Variants in TSHR observed in about 807,000 individuals in gnomAD.
TSHR encodes the protein thyroid stimulating hormone receptor.
In TSHR, 51 loss-of-function variants were observed where a neutral mutation model predicts 64.1. The observed-to-expected ratio is 0.80, with a 90% confidence interval of 0.64 to 1.01. TSHR has a LOEUF of 1.01. TSHR is among the 50% of genes least tolerant of loss of function. The pLI, the probability that TSHR is intolerant of heterozygous loss-of-function variation, is 0.00. For missense variants in TSHR, 877 were observed against 942.8 expected, an observed-to-expected ratio of 0.93 and a Z score of 0.91; for synonymous variants, 361 against 361.9, an observed-to-expected ratio of 1.00 and a Z score of 0.03.
At chr14:81,065,540 C>T (rs1886548217) in intron 2 of TSHR, among the ~76,000 whole-genome samples, 1 of 152,164 alleles carries the variant, frequency 6.6e-6, no homozygotes, top group African/African-American at 2.4e-5. Flanking sequence ...GATCTGAAGG[C>T]TCCACTGAGG....
rs148958283 is a variant in TSHR at position 81,057,800 on chromosome 14, C to A, written c.171-4348C>A. Among the ~76,000 whole-genome samples, 665 of 152,322 alleles carry A rather than the reference C, an allele frequency of 4.4e-3. 9 individuals are homozygous for A. Among genetic ancestry groups the A allele is most frequent in the African/African-American group, 0.015 (642 of 41,584 alleles). ...TGGGAAGTTTGGTGTTTCTGGACCA[C>A]ACAGTCTCTGCCACGGCAAAGAAGA... On this transcript the variant is annotated intron_variant, in intron 1 of 9. Transcript: ENST00000298171.
In TSHR at chr14:81,008,327, C is replaced by G. The variant is rs920402147; in HGVS notation, c.170+52477C>G. 2.6e-5 allele frequency among the ~76,000 whole-genome samples: 4 copies of G among 152,176 alleles called. No individual in the cohort carries two copies. The South Asian group carries it at 6.2e-4, about 24-fold the overall frequency. On this transcript the variant is annotated intron_variant, in intron 1 of 9. Transcript: ENST00000298171. The stretch of plus-strand genomic sequence containing the variant: ...AGCTGGGACTACAGGCGCCCCCCAC[C>G]ACGCCCGGCTAATTTTTTGTATTTT...
chr14:81,087,566 C>T (rs745724157), intron 3 of TSHR: 1 of 290,540 alleles, frequency 3.4e-6, no homozygotes, highest in Middle Eastern at 1.3e-3. Context: ...CTCCAACACT[C>T]ATTGTCTTGG....
intron 1 of TSHR, among the ~76,000 whole-genome samples, chr14:81,061,560 A>G (rs1886243473): frequency 6.6e-6 from 1 of 152,056 alleles, no homozygotes; most frequent in South Asian, 2.1e-4. Flanking sequence ...ACAAAATACC[A>G]CATGTTCTCA....
At chr14:81,056,458 C>A (rs143446482) in intron 1 of TSHR, among the ~76,000 whole-genome samples, 1 of 151,904 alleles carries the variant, frequency 6.6e-6, no homozygotes, top group African/African-American at 2.4e-5. Flanking sequence ...TTATATACAC[C>A]GAAGTATATA....
At chr14:81,000,307 A>G (rs549157644) in intron 1 of TSHR, among the ~76,000 whole-genome samples, 6 of 142,652 alleles carry the variant, frequency 4.2e-5, no homozygotes, top group Non-Finnish European at 7.8e-5. Context: ...AACATGTACC[A>G]TAAGCACCAC....
chr14:81,019,253 G>A (rs1432096453), intron 1 of TSHR, among the ~76,000 whole-genome samples: 5 of 151,252 alleles, frequency 3.3e-5, no homozygotes. Context: ...AGAATCGCTT[G>A]AACCCAGGAG....
At chr14:80,972,294 G>GA (rs1555367893) in intron 1 of TSHR, among the ~76,000 whole-genome samples, 32 of 151,672 alleles carry the variant, frequency 2.1e-4, no homozygotes, top group Middle Eastern at 3.4e-3. Flanking sequence ...GTTCTGTGGG[G>GA]TTTTTTTTGC....
rs747484580 is a variant in TSHR, at chr14:81,085,214, G to A, written c.318-2740G>A. On this transcript the variant is annotated intron_variant, in intron 3 of 9. Transcript: ENST00000298171. ...TGACCTCAACTGATCCACCTGCCTC[G>A]GCCTCCCACCTGTCTCGGCCTCCCA... 2.6e-5 allele frequency among the ~76,000 whole-genome samples: 4 copies of A among 151,976 alleles called. No individual in the cohort carries two copies. In the South Asian group the frequency reaches 6.2e-4, roughly 24 times the overall value.
chr14:80,989,066 A>G (rs941548936), intron 1 of TSHR, among the ~76,000 whole-genome samples: 3 of 152,110 alleles, frequency 2.0e-5, no homozygotes, highest in African/African-American at 7.2e-5. Flanking sequence ...AAATGAACTT[A>G]CCTTTCTGTT....
intron 1 of TSHR, among the ~76,000 whole-genome samples, chr14:80,999,247 T>TTA (rs1889182239): frequency 6.6e-6 from 1 of 152,222 alleles, no homozygotes; most frequent in African/African-American, 2.4e-5. Context: ...TTATTCTTTT[T>TTA]TATATTGGAG....
chr14:81,006,332 G>T (rs369189151), intron 1 of TSHR, among the ~76,000 whole-genome samples: 2 of 152,108 alleles, frequency 1.3e-5, no homozygotes, highest in East Asian at 3.9e-4. Context: ...AGATCAAGAG[G>T]CTTTTCTGGG....
At chr14:81,033,300 C>A (rs1369985511) in intron 1 of TSHR, 1 of 421,456 alleles carries the variant, frequency 2.4e-6, no homozygotes, top group Admixed American at 2.8e-5. Context: ...ATTTGTACAG[C>A]TCCAAGAGTG....
intron 8 of TSHR, among the ~76,000 whole-genome samples, chr14:81,113,336 T>C (rs1890312290): frequency 1.3e-5 from 2 of 152,176 alleles, no homozygotes; most frequent in South Asian, 2.1e-4. Context: ...ACTGAGCAGT[T>C]AGGAGAATGA....
intron 1 of TSHR, among the ~76,000 whole-genome samples, chr14:80,988,891 G>A (rs1888599503): frequency 6.6e-6 from 1 of 152,030 alleles, no homozygotes; most frequent in Admixed American, 6.5e-5. Context: ...CTTCTTTTCT[G>A]TCTATATTTT....
chr14:81,094,765 C>A (rs1889034642), intron 6 of TSHR, among the ~76,000 whole-genome samples: 1 of 130,836 alleles, frequency 7.6e-6, no homozygotes, highest in South Asian at 2.5e-4. Flanking sequence ...CGGCTTACTG[C>A]AACCTCCGCC....
intron 8 of TSHR, among the ~76,000 whole-genome samples, chr14:81,120,476 G>A (rs1451616954): frequency 6.6e-6 from 1 of 152,114 alleles, no homozygotes; most frequent in Non-Finnish European, 1.5e-5. Context: ...TTCTTTTTCT[G>A]ATAGCTTATT....
chr14:81,027,043 AAAAAAAAAAG>A (rs1193852621), intron 1 of TSHR, among the ~76,000 whole-genome samples: 1 of 151,910 alleles, frequency 6.6e-6, no homozygotes, highest in Non-Finnish European at 1.5e-5. Context: ...TCTCAAAAAA[AAAAAAAAAAG>A]AAAGGCCTTA....
chr14:81,063,876 C>T (rs1298258421), intron 2 of TSHR, among the ~76,000 whole-genome samples: 2 of 151,934 alleles, frequency 1.3e-5, no homozygotes, highest in Non-Finnish European at 2.9e-5. Context: ...AAAATAGCAC[C>T]TGACCTGTGA....
Sources: allele counts gnomAD v4.1 joint callset (sites outside exome capture counted in the v4.1 genomes callset), GRCh38; gene constraint gnomAD v4.1.1; transcripts MANE v1.5; gene names NCBI Gene and HGNC (gene_info 2026-07-23, HGNC 2026-07-21).